SETD3: variants seen among roughly 807,000 people sequenced by gnomAD.
SETD3 encodes SET domain containing 3, actin N3(tau)-histidine methyltransferase.
SETD3 carries 19 observed loss-of-function variants against 63.0 expected under a neutral mutation model. The observed-to-expected ratio is 0.30, with a 90% CI of 0.21 to 0.44. The LOEUF (loss-of-function observed/expected upper bound fraction) is 0.44, where lower values mean the gene tolerates loss of function less well. Among genes scored for constraint, SETD3 ranks in the 20% least tolerant of loss-of-function variants. The pLI, the probability that SETD3 is intolerant of heterozygous loss-of-function variation, is 1.00. For synonymous variants in SETD3, 286 were observed against 264.1 expected, an observed-to-expected ratio of 1.08 and a Z score of -0.80; for missense variants, 587 against 728.5, an observed-to-expected ratio of 0.81 and a Z score of 2.24.
chr14:99,483,515 G>T (rs1403858973), upstream of SETD3, among the ~76,000 whole-genome samples: 1 of 152,196 alleles, frequency 6.6e-6, no homozygotes, highest in Non-Finnish European at 1.5e-5. Context: ...GGGTGACTGC[G>T]CTCCAGCCTG....
chr14:99,465,418 G>A (rs1479162840), intron 2 of SETD3, among the ~76,000 whole-genome samples: 2 of 152,112 alleles, frequency 1.3e-5, no homozygotes, highest in Non-Finnish European at 2.9e-5. Context: ...GCTTCTTCTC[G>A]CCCACAGGTC....
At chr14:99,403,588 A>G (rs896074348) in intron 11 of SETD3, among the ~76,000 whole-genome samples, 2 of 152,188 alleles carry the variant, frequency 1.3e-5, no homozygotes, top group African/African-American at 4.8e-5. Flanking sequence ...AAATCTCAGC[A>G]TAAGAAACCC....
At position 99,398,394 on chromosome 14, in the gene SETD3, C is replaced by G; in HGVS notation, c.*285G>C. The G allele has an allele frequency of 2.9e-6, 1 of 341,996 alleles. No homozygotes were observed. Among genetic ancestry groups the G allele is most frequent in the Non-Finnish European group, 5.3e-6 (1 of 187,374 alleles). The allele number at this position is 341,996 out of a possible 1,614,324, so 21.2% of individuals were successfully genotyped here. On this transcript the variant is annotated 3_prime_UTR_variant, in exon 13 of 13. Transcript: ENST00000331768. ...TGAATTCTTCCCCAGGAAGAAAATA[C>G]CTATACCCACAATAGGTCTGCAAAA...
chr14:99,408,486 G>A (rs146058930), intron 8 of SETD3, among the ~76,000 whole-genome samples: 1 of 152,270 alleles, frequency 6.6e-6, no homozygotes, highest in East Asian at 1.9e-4. Context: ...GGCACTCCCA[G>A]GGTGCTGGCA....
chr14:99,400,297 A>T (rs1220589817), intron 11 of SETD3, 38 bp from the exon 12 acceptor site: 29 of 1,575,730 alleles, frequency 1.8e-5, no homozygotes, highest in Non-Finnish European at 2.4e-5. Context: ...TAGGAGGAAA[A>T]CATAGCACTC....
chr14:99,458,176 TTAAG>T, intron 6 of SETD3, 99 bp downstream of exon 6: 1 of 1,302,342 alleles, frequency 7.7e-7, no homozygotes. Context: ...AGTAAAATGT[TTAAG>T]TATCCTTAAT....
upstream of SETD3, among the ~76,000 whole-genome samples, chr14:99,482,093 G>A (rs546843272): frequency 9.2e-5 from 14 of 152,350 alleles, no homozygotes; most frequent in African/African-American, 3.4e-4. Flanking sequence ...AAGTCTAGAG[G>A]TTATGTGACA....
rs139397656 is a variant in SETD3, at chr14:99,465,627, G to A, written c.103+76C>T. The stretch of plus-strand genomic sequence containing the variant: ...GAATACCAGCTTGTCTGATGCACGC[G>A]TCCCCATTCTGGTGACAAAGAAGAA... On this transcript the variant is annotated intron_variant, in intron 2 of 12. Coordinates refer to ENST00000331768, the MANE Select transcript of SETD3 (RefSeq NM_032233.3). 2.0e-4 allele frequency: 234 copies of A among 1,178,446 alleles called. 1 individual carries two copies. In the East Asian group the frequency reaches 4.2e-3, roughly 21 times the overall value. The allele number at this position is 1,178,446 out of a possible 1,614,324, so 73.0% of individuals were successfully genotyped here.
At chr14:99,474,272 C>G (rs1235743726) in intron 1 of SETD3, among the ~76,000 whole-genome samples, 2 of 152,174 alleles carry the variant, frequency 1.3e-5, no homozygotes, top group African/African-American at 2.4e-5. Flanking sequence ...TTGCAGTGAG[C>G]TGAGATCCAG....
chr14:99,481,686 C>A, upstream of SETD3: 1 of 385,976 alleles, frequency 2.6e-6, no homozygotes, highest in East Asian at 3.7e-5. Context: ...GGCGCCGGGG[C>A]GGGGCAGGGA....
Position 99,459,184 on chromosome 14 carries a change from G to A in SETD3, c.347C>T (p.Ala116Val). ...TGGAACCCATAAAAACAATTCTTCT[G>A]CCTAGGGAAAAAAATAATAATAGGA... Reference protein sequence around the residue: ...FGLRATRDIKAEELFLWVPRK... With the variant: ...FGLRATRDIKVEELFLWVPRK... Residue 116 changes from alanine (A) to valine (V), a missense_variant and splice_region_variant, in exon 5 of 13, where the codon GCA becomes GTA. Coordinates refer to ENST00000331768, the MANE Select transcript of SETD3 (RefSeq NM_032233.3). 1 of 1,605,416 alleles carries A rather than the reference G, an allele frequency of 6.2e-7. No homozygotes were observed. The highest frequency in any genetic ancestry group is 1.3e-5 in the African/African-American group (1 of 74,648).
chr14:99,413,959 C>G, intron 6 of SETD3, 25 bp from the exon 7 acceptor site: 1 of 1,603,124 alleles, frequency 6.2e-7, no homozygotes, highest in Non-Finnish European at 8.5e-7. Flanking sequence ...TTTTAGAAAG[C>G]AGAGGTGAAA....
chr14:99,452,903 CAAGAAAA>C (rs1249192347), intron 6 of SETD3, among the ~76,000 whole-genome samples: 1 of 152,168 alleles, frequency 6.6e-6, no homozygotes, highest in African/African-American at 2.4e-5. Context: ...TACAGGCCCC[CAAGAAAA>C]CTATTTTAAA....
rs1891205509 is a variant in SETD3, at chr14:99,398,561, G to A, written c.*118C>T. 1 of 989,708 alleles carries A rather than the reference G, an allele frequency of 1.0e-6. No individual in the cohort carries two copies. The highest frequency in any genetic ancestry group is 1.5e-6 in the Non-Finnish European group (1 of 676,796). 61.3% of individuals were successfully genotyped at this position (989,708 alleles called of 1,614,324 possible). ...AAAAAAACCATTTTTATATAAAGCA[G>A]CAAAAACATATCTTCCTCTCTGCAG... On this transcript the variant is annotated 3_prime_UTR_variant, in exon 13 of 13. Transcript: ENST00000331768.
At chr14:99,454,525 AG>A (rs1471039126) in intron 6 of SETD3, among the ~76,000 whole-genome samples, 1 of 152,244 alleles carries the variant, frequency 6.6e-6, no homozygotes, top group African/African-American at 2.4e-5. Context: ...AAGGGACAGG[AG>A]AAGTGATTTA....
At chr14:99,480,310 G>A (rs1382256802) in intron 1 of SETD3, among the ~76,000 whole-genome samples, 1 of 152,058 alleles carries the variant, frequency 6.6e-6, no homozygotes, top group Non-Finnish European at 1.5e-5. Flanking sequence ...TAGCGCGAGG[G>A]GCCCGGGCCC....
At chr14:99,409,619 C>T (rs934897264) in intron 8 of SETD3, among the ~76,000 whole-genome samples, 1 of 151,978 alleles carries the variant, frequency 6.6e-6, no homozygotes, top group African/African-American at 2.4e-5. Context: ...GATATACATA[C>T]ACACACATCC....
At chr14:99,461,434 A>G (rs1444296762) in intron 3 of SETD3, 94 bp from the exon 4 acceptor site, 1 of 1,274,396 alleles carries the variant, frequency 7.8e-7, no homozygotes, top group African/African-American at 1.5e-5. Context: ...CATAACTAAC[A>G]CTGGAAATAG....
At chr14:99,452,838 G>C (rs1258729356) in intron 6 of SETD3, among the ~76,000 whole-genome samples, 1 of 152,222 alleles carries the variant, frequency 6.6e-6, no homozygotes, top group Non-Finnish European at 1.5e-5. Context: ...CGAGCCAGCA[G>C]GCAGATCGCG....
Sources: allele counts gnomAD v4.1 joint callset (sites outside exome capture counted in the v4.1 genomes callset), GRCh38; gene constraint gnomAD v4.1.1; transcripts MANE v1.5; gene names NCBI Gene and HGNC (gene_info 2026-07-23, HGNC 2026-07-21).